Variants in RBFOX1 observed in about 807,000 individuals in gnomAD.
The protein encoded by RBFOX1 is RNA binding protein fox-1 homolog 1.
RBFOX1 carries 8 observed loss-of-function variants against 57.7 expected under a neutral mutation model. That is an observed-to-expected ratio of 0.14 (90% CI 0.08 to 0.25). RBFOX1 has a LOEUF of 0.25. RBFOX1 is among the 10% of genes least tolerant of loss of function. RBFOX1 has a pLI of 1.00. For missense variants in RBFOX1, 611 were observed against 548.5 expected (o/e 1.11, Z -1.14); for synonymous variants, 326 against 222.4 (o/e 1.47, Z -4.15).
intron 2 of RBFOX1, chr16:6,483,318 G>T (rs924215308): frequency 2.4e-5 from 35 of 1,429,922 alleles, no homozygotes; most frequent in Non-Finnish European, 3.1e-5. Context: ...GCGCGCTCGG[G>T]GCGTTCTGCA....
intron 4 of RBFOX1, among the ~76,000 whole-genome samples, chr16:7,479,495 C>G (rs1006578020): frequency 1.2e-4 from 19 of 152,134 alleles, no homozygotes; most frequent in African/African-American, 4.6e-4. Context: ...TGCAGGACAC[C>G]TGAAGTCCCT....
rs141768810 is a variant in RBFOX1 at position 6,108,903 on chromosome 16, C to T, written c.-127+88911C>T. On this transcript the variant is annotated intron_variant, in intron 1 of 15. Coordinates refer to ENST00000550418, the MANE Select transcript of RBFOX1 (RefSeq NM_018723.4). Reference sequence around the variant, plus strand: ...TGATTGTATTAATATTTCGGACCCACCTAGATAATCCAGAATAATCACCCC... The same window carrying T: ...TGATTGTATTAATATTTCGGACCCATCTAGATAATCCAGAATAATCACCCC... 6.6e-5 allele frequency among the ~76,000 whole-genome samples: 10 copies of T among 152,270 alleles called. No individual in the cohort carries two copies. The East Asian group carries it at 1.5e-3, about 24-fold the overall frequency.
At chr16:6,891,833 A>G (rs2065501339) in intron 3 of RBFOX1, among the ~76,000 whole-genome samples, 1 of 152,200 alleles carries the variant, frequency 6.6e-6, no homozygotes, top group East Asian at 1.9e-4. Context: ...GGGTTGGCAT[A>G]TGATACCATT....
intron 1 of RBFOX1, among the ~76,000 whole-genome samples, chr16:5,268,496 A>C (rs1385654637): frequency 6.6e-6 from 1 of 152,250 alleles, no homozygotes; most frequent in Admixed American, 6.5e-5. Flanking sequence ...TCCCCTCATC[A>C]TTCATAAAGT....
chr16:5,784,418 G>A (rs28820714), intron 3 of RBFOX1, among the ~76,000 whole-genome samples: 1 of 151,322 alleles, frequency 6.6e-6, no homozygotes, highest in African/African-American at 2.4e-5. Context: ...CAGAGCGAGA[G>A]TCCGTCTGAA....
At chr16:6,949,333 C>T (rs943194737) in intron 3 of RBFOX1, among the ~76,000 whole-genome samples, 1 of 152,158 alleles carries the variant, frequency 6.6e-6, no homozygotes, top group African/African-American at 2.4e-5. Flanking sequence ...CTTCGCTCAC[C>T]TTTTGTTCCT....
intron 3 of RBFOX1, among the ~76,000 whole-genome samples, chr16:6,944,303 G>A (rs1275738586): frequency 2.0e-5 from 3 of 151,712 alleles, no homozygotes; most frequent in Non-Finnish European, 4.4e-5. Context: ...GCTGAGGCAG[G>A]AGAATCGCTT....
At chr16:7,668,405 T>A (rs1489480575) in intron 13 of RBFOX1, among the ~76,000 whole-genome samples, 2 of 151,252 alleles carry the variant, frequency 1.3e-5, no homozygotes, top group African/African-American at 4.9e-5. Flanking sequence ...CCAAAGGGAG[T>A]AGACTTGTTA....
chr16:5,757,424 G>C (rs1300894836), intron 3 of RBFOX1, among the ~76,000 whole-genome samples: 2 of 151,954 alleles, frequency 1.3e-5, no homozygotes, highest in Non-Finnish European at 2.9e-5. Flanking sequence ...TAGAGACGGG[G>C]TTTCACCATT....
At chr16:5,487,134 C>A (rs1341728677) in intron 2 of RBFOX1, among the ~76,000 whole-genome samples, 1 of 152,210 alleles carries the variant, frequency 6.6e-6, no homozygotes, top group Non-Finnish European at 1.5e-5. Context: ...CAGACAATGT[C>A]CACCCCCTAT....
At chr16:7,348,183 A>G (rs1469492418) in intron 4 of RBFOX1, among the ~76,000 whole-genome samples, 1 of 152,242 alleles carries the variant, frequency 6.6e-6, no homozygotes. Context: ...ACATACAGAG[A>G]TATATGCATA....
chr16:7,382,104 T>A lies in RBFOX1; in HGVS notation c.28-136043T>A, dbSNP rs963662310. On this transcript the variant is annotated intron_variant, in intron 4 of 15. Transcript: ENST00000550418. ...ACTGCCTAAAATAAAATTCAACCTA[T>A]TCTGAGAAAACAATATATTTGAGTA... Among the ~76,000 whole-genome samples, 3 of 152,340 alleles carry A rather than the reference T, an allele frequency of 2.0e-5. No individual in the cohort carries two copies. The East Asian group carries it at 5.8e-4, about 29-fold the overall frequency.
intron 1 of RBFOX1, among the ~76,000 whole-genome samples, chr16:6,160,826 G>A (rs1221261105): frequency 6.6e-6 from 1 of 152,138 alleles, no homozygotes; most frequent in East Asian, 1.9e-4. Flanking sequence ...CTCAAGATCA[G>A]CTCTGTTGTC....
chr16:5,530,500 C>T (rs1357469673), intron 2 of RBFOX1, among the ~76,000 whole-genome samples: 1 of 152,188 alleles, frequency 6.6e-6, no homozygotes, highest in Non-Finnish European at 1.5e-5. Flanking sequence ...AGTCTTCAAG[C>T]TAAACTGTAA....
At chr16:5,464,091 G>A (rs986544196) in intron 1 of RBFOX1, among the ~76,000 whole-genome samples, 5 of 152,208 alleles carry the variant, frequency 3.3e-5, no homozygotes, top group Non-Finnish European at 7.3e-5. Context: ...CAATGGGCTG[G>A]GAGAACGGGG....
intron 3 of RBFOX1, among the ~76,000 whole-genome samples, chr16:5,678,417 A>G (rs1334260018): frequency 1.3e-5 from 2 of 152,196 alleles, no homozygotes; most frequent in Non-Finnish European, 2.9e-5. Context: ...GCCAGTTTCT[A>G]TTGTTCTTAA....
At chr16:6,366,935 A>C (rs967788334) in intron 2 of RBFOX1, among the ~76,000 whole-genome samples, 1 of 152,216 alleles carries the variant, frequency 6.6e-6, no homozygotes, top group Admixed American at 6.5e-5. Flanking sequence ...GTCACCTTTC[A>C]CAAGGAGCAT....
intron 3 of RBFOX1, among the ~76,000 whole-genome samples, chr16:6,695,693 C>G (rs372494307): frequency 3.0e-4 from 46 of 152,224 alleles, no homozygotes; most frequent in African/African-American, 1.0e-3. Context: ...AGATATTTGT[C>G]AAGAAAGTGA....
At chr16:6,739,320 GATA>G (rs1437760828) in intron 3 of RBFOX1, among the ~76,000 whole-genome samples, 5 of 151,908 alleles carry the variant, frequency 3.3e-5, no homozygotes, top group Admixed American at 2.0e-4. Context: ...ACATTAAAAG[GATA>G]ATAAGAGAGT....
Sources: gnomAD v4.1 joint callset for allele counts (sites outside exome capture counted in the v4.1 genomes callset) on GRCh38, gnomAD v4.1.1 for gene constraint, MANE v1.5 for transcripts, NCBI Gene and HGNC (gene_info 2026-07-23, HGNC 2026-07-21) for gene names.